The following CRTAC1 variants were observed in gnomAD, a reference collection of about 807,000 sequenced individuals.
CRTAC1 encodes the protein acidic secreted protein in cartilage.
In CRTAC1, 37 loss-of-function variants were observed where a neutral mutation model predicts 67.8. The observed-to-expected ratio is 0.55, with a 90% CI of 0.42 to 0.72. The LOEUF is 0.72. CRTAC1 is among the 30% of genes least tolerant of loss of function. The pLI, the probability that CRTAC1 is intolerant of heterozygous loss-of-function variation, is 0.00. For synonymous variants in CRTAC1, 348 were observed against 371.0 expected (o/e 0.94, Z 0.71); for missense variants, 780 against 931.6 (o/e 0.84, Z 2.12).
intron 2 of CRTAC1, among the ~76,000 whole-genome samples, chr10:97,948,737 T>C (rs577526214): frequency 1.3e-5 from 2 of 152,186 alleles, no homozygotes; most frequent in African/African-American, 4.8e-5. Context: ...CATGCTGCTA[T>C]AAAGAACTGC....
At position 97,937,908 on chromosome 10, in the gene CRTAC1, T is replaced by C. The variant is rs183923649; in HGVS notation, c.225-1542A>G. 4.1e-3 allele frequency among the ~76,000 whole-genome samples: 628 copies of C among 152,324 alleles called. 3 individuals carry two copies. Among genetic ancestry groups the C allele is most frequent in the African/African-American group, 0.014 (568 of 41,574 alleles). On this transcript the variant is annotated intron_variant, in intron 2 of 14. Transcript: ENST00000370597. ...AATGCAGATACTGCCTCCAGAGGGT[T>C]CCCAGCTGGTAACACCCAGGGAGGG...
At chr10:97,991,107 A>G (rs1359847234) in intron 2 of CRTAC1, among the ~76,000 whole-genome samples, 1 of 143,256 alleles carries the variant, frequency 7.0e-6, no homozygotes, top group East Asian at 2.0e-4. Context: ...TACAAAAAAA[A>G]AAAAAAAAAA....
In CRTAC1 at chr10:97,917,655, C is replaced by G. The variant is rs763933401; in HGVS notation, c.560G>C (p.Gly187Ala). The change falls in exon 5 of 15, where the codon GGC becomes GCC. Residue 187 changes from glycine (G) to alanine (A), a missense_variant and splice_region_variant. By Grantham distance (60) the Gly-to-Ala change is moderately conservative. Coordinates refer to ENST00000370597, the MANE Select transcript of CRTAC1 (RefSeq NM_018058.7). Reference sequence around the variant, plus strand: ...AATGTAGATAGAGTAGCGTCCAGAGCCCTGAGGAAGAAGGGAAGGGAGAGG... The same window carrying G: ...AATGTAGATAGAGTAGCGTCCAGAGGCCTGAGGAAGAAGGGAAGGGAGAGG... Reference protein sequence around the residue: ...GRSVACVDRKGSGRYSIYIAN... With the variant: ...GRSVACVDRKASGRYSIYIAN... The G allele has an allele frequency of 6.5e-7, 1 of 1,543,648 alleles. No individual in the cohort carries two copies. Among genetic ancestry groups the G allele is most frequent in the South Asian group, 1.3e-5 (1 of 79,966 alleles).
chr10:97,882,289 A>G (rs535317293), intron 13 of CRTAC1, among the ~76,000 whole-genome samples: 1 of 152,300 alleles, frequency 6.6e-6, no homozygotes, highest in African/African-American at 2.4e-5. Flanking sequence ...TGGACCGTCA[A>G]GGAGCTGCCA....
intron 2 of CRTAC1, among the ~76,000 whole-genome samples, chr10:98,002,848 C>T (rs1009118881): frequency 6.9e-5 from 9 of 130,266 alleles, no homozygotes; most frequent in African/African-American, 2.3e-4. Flanking sequence ...GTGCAATCTC[C>T]GTTCACTGCA....
chr10:98,008,028 G>A (rs1842827125), intron 2 of CRTAC1, among the ~76,000 whole-genome samples: 1 of 152,156 alleles, frequency 6.6e-6, no homozygotes. Context: ...TACGCACAGG[G>A]CTCAGGGAAC....
At chr10:97,886,623 C>CA (rs2136544367) in intron 11 of CRTAC1, among the ~76,000 whole-genome samples, 1 of 150,590 alleles carries the variant, frequency 6.6e-6, no homozygotes. Context: ...TGGGGAGTGC[C>CA]AACTACAGAT....
At chr10:98,005,640 T>C (rs557334) in intron 2 of CRTAC1, among the ~76,000 whole-genome samples, 43,394 of 150,654 alleles carry the variant, frequency 0.29, 6,440 homozygotes, top group Non-Finnish European at 0.32. Context: ...CATCTACCTA[T>C]TATTTACCAT....
At chr10:97,987,750 C>G (rs965211000) in intron 2 of CRTAC1, among the ~76,000 whole-genome samples, 2 of 152,262 alleles carry the variant, frequency 1.3e-5, no homozygotes, top group Non-Finnish European at 2.9e-5. Context: ...CCCTGTGTCT[C>G]TAGCGCTGAA....
At chr10:97,929,555 A>C (rs1487486434) in intron 3 of CRTAC1, among the ~76,000 whole-genome samples, 1 of 152,148 alleles carries the variant, frequency 6.6e-6, no homozygotes, top group Non-Finnish European at 1.5e-5. Flanking sequence ...CTCCAACCTC[A>C]TTCATCAGGC....
chr10:97,904,554 G>T, intron 7 of CRTAC1, 115 bp downstream of exon 7: 1 of 969,914 alleles, frequency 1.0e-6, no homozygotes, highest in Non-Finnish European at 1.4e-6. Flanking sequence ...GGAGTAGCTG[G>T]GATTATAGGC....
At chr10:97,888,920 A>G (rs1414981539) in intron 11 of CRTAC1, among the ~76,000 whole-genome samples, 4 of 152,100 alleles carry the variant, frequency 2.6e-5, no homozygotes, top group African/African-American at 9.7e-5. Context: ...TACAAACAAA[A>G]CAGATGGTGG....
At chr10:97,889,928 T>C (rs2050343337) in intron 11 of CRTAC1, among the ~76,000 whole-genome samples, 1 of 152,132 alleles carries the variant, frequency 6.6e-6, no homozygotes, top group Admixed American at 6.5e-5. Flanking sequence ...ACATTCCCGC[T>C]TCTCACCCCA....
chr10:97,865,945 G>A, intron 14 of CRTAC1: 1 of 577,080 alleles, frequency 1.7e-6, no homozygotes, highest in Non-Finnish European at 2.9e-6. Flanking sequence ...GATGGGGCTG[G>A]TCTGGGCCAC....
In CRTAC1 at chr10:97,896,136, C is replaced by T. The variant is rs962367081; in HGVS notation, c.1217-151G>A. Reference sequence around the variant, plus strand: ...AGGAAGGCTGGGGCTTGGCACCCATCTCCTATCCTTCCTAACAGCAGCCTC... The same window carrying T: ...AGGAAGGCTGGGGCTTGGCACCCATTTCCTATCCTTCCTAACAGCAGCCTC... On this transcript the variant is annotated intron_variant, in intron 9 of 14. Coordinates refer to ENST00000370597, the MANE Select transcript of CRTAC1 (RefSeq NM_018058.7). 139 of 641,680 alleles carry T rather than the reference C, an allele frequency of 2.2e-4. 1 individual carries two copies. The highest frequency in any genetic ancestry group is 3.5e-4 in the Non-Finnish European group (125 of 360,030). 39.7% of individuals were successfully genotyped at this position (641,680 alleles called of 1,614,324 possible).
intron 2 of CRTAC1, among the ~76,000 whole-genome samples, chr10:97,954,713 T>G (rs1304837324): frequency 6.6e-6 from 1 of 152,218 alleles, no homozygotes; most frequent in Non-Finnish European, 1.5e-5. Context: ...CTGCAAATTC[T>G]GGCTCAACAC....
At position 97,917,548 on chromosome 10, in the gene CRTAC1, GA is replaced by G. The variant is rs1164286765; in HGVS notation, c.666del (p.Leu223TrpfsTer101). 6.3e-6 allele frequency: 10 copies of G among 1,595,400 alleles called. No individual in the cohort carries two copies. The highest frequency in any genetic ancestry group is 8.6e-6 in the Non-Finnish European group (10 of 1,168,728). ...DPEASDLSRG[I>X]LALRDVAAEA... is the part of the protein sequence containing the mutation. ...TCAGCAGCCACATCTCTGAGCGCCA[GA>G]ATGCCCCGGGAGAGGTCACTGGCCT... On this transcript the variant is annotated frameshift_variant, in exon 5 of 15. Coordinates refer to ENST00000370597, the MANE Select transcript of CRTAC1 (RefSeq NM_018058.7). LOFTEE classifies it high-confidence loss of function.
At chr10:97,910,434 A>G (rs2050674710) in intron 5 of CRTAC1, among the ~76,000 whole-genome samples, 1 of 152,226 alleles carries the variant, frequency 6.6e-6, no homozygotes. Context: ...ATGAAATCAG[A>G]ACCTGCATTC....
intron 3 of CRTAC1, among the ~76,000 whole-genome samples, chr10:97,931,672 T>C (rs941186290): frequency 7.9e-5 from 12 of 152,234 alleles, no homozygotes; most frequent in Non-Finnish European, 1.8e-4. Flanking sequence ...TTCAATCATT[T>C]TGTGGAACTG....
Sources: allele counts gnomAD v4.1 joint callset (sites outside exome capture counted in the v4.1 genomes callset), GRCh38; gene constraint gnomAD v4.1.1; transcripts MANE v1.5; gene names NCBI Gene and HGNC (gene_info 2026-07-23, HGNC 2026-07-21).